Variants in RSRC2 observed in about 807,000 individuals in gnomAD.
RSRC2 encodes the protein arginine and serine rich coiled-coil 2, also known as arginine/serine-rich coiled-coil protein 2.
Under a neutral mutation model 61.3 loss-of-function variants are expected in RSRC2, and 5 were observed. That is an observed-to-expected ratio of 0.08 (90% CI 0.04 to 0.17). RSRC2 has a LOEUF of 0.17. RSRC2 is among the 10% of genes least tolerant of loss of function. The pLI is 1.00. For missense variants in RSRC2, 381 were observed against 518.8 expected (o/e 0.73, Z 2.58); for synonymous variants, 202 against 166.5 (o/e 1.21, Z -1.64).
Position 122,518,962 on chromosome 12 carries a change from T to C in RSRC2, c.275A>G (p.Glu92Gly), listed in dbSNP as rs1171694883. The C allele has an allele frequency of 1.2e-6, 2 of 1,613,668 alleles. No homozygotes were observed. Among genetic ancestry groups the C allele is most frequent in the Admixed American group, 1.7e-5 (1 of 60,000 alleles). ...KHKSEEHNDKEHSSDKGRERL... is the reference protein window; with the variant it reads ...KHKSEEHNDKGHSSDKGRERL... ...CTCTCTTCCTTTATCAGAAGAATGT[T>C]CTTTGTCATTATGTTCCTCAGACTT... The change falls in exon 4 of 10, where the codon GAA becomes GGA. Residue 92 changes from glutamate (E) to glycine (G), a missense_variant. Around this residue, in one of 4 missense-constraint regions of RSRC2, gnomAD observed 266 missense variants for 270.5 expected, o/e 0.98. Coordinates refer to ENST00000331738, the MANE Select transcript of RSRC2 (RefSeq NM_023012.6).
Position 122,513,061 on chromosome 12 carries a change from G to T in RSRC2, c.726-1873C>A, listed in dbSNP as rs539470681. ...AAAACAAAAATTAGCTGGGTGTGGT[G>T]ATGCGCATCAGTAATCCCAGCTTCT... On this transcript the variant is annotated intron_variant, in intron 6 of 9. Coordinates refer to ENST00000331738, the MANE Select transcript of RSRC2 (RefSeq NM_023012.6). Among the ~76,000 whole-genome samples, 3 of 152,032 alleles carry T rather than the reference G, an allele frequency of 2.0e-5. No homozygotes were observed. The South Asian group carries it at 6.2e-4, about 32-fold the overall frequency.
In RSRC2 at chr12:122,526,915, C is replaced by T. The variant is rs1176607593; in HGVS notation, c.-62G>A. On this transcript the variant is annotated 5_prime_UTR_variant, in exon 1 of 10. Coordinates refer to ENST00000331738, the MANE Select transcript of RSRC2 (RefSeq NM_023012.6). ...TTGTCGCTTTCAACAGTACCGGCCG[C>T]TCCGAAGCTTCGCCTCAGACTAAAT... 9 of 1,602,766 alleles carry T rather than the reference C, an allele frequency of 5.6e-6. No homozygotes were observed. The highest frequency in any genetic ancestry group is 1.3e-5 in the African/African-American group (1 of 74,626).
Position 122,515,164 on chromosome 12 carries a change from A to G in RSRC2, c.666T>C (p.Ser222=). ...RFSRSLSRTP[S]PPPFRGRNTA... ...TGTTTCTGCCTCTGAAGGGAGGTGG[A>G]CTTGGAGTCCGGCTTAAACTTCTGC... The change falls in exon 6 of 10, where the codon AGT becomes AGC. Residue 222 remains serine (S), a synonymous_variant. Coordinates refer to ENST00000331738, the MANE Select transcript of RSRC2 (RefSeq NM_023012.6). 1 of 1,614,114 alleles carries G rather than the reference A, an allele frequency of 6.2e-7. No individual in the cohort carries two copies. The highest frequency in any genetic ancestry group is 8.5e-7 in the Non-Finnish European group (1 of 1,179,962).
chr12:122,525,438 G>A (rs1366995558), intron 1 of RSRC2, among the ~76,000 whole-genome samples: 3 of 152,152 alleles, frequency 2.0e-5, no homozygotes, highest in Non-Finnish European at 4.4e-5. Context: ...GTATACTGAG[G>A]CCCAAAACAC....
At chr12:122,515,068 G>A (rs1383605127) in intron 6 of RSRC2, 37 bp downstream of exon 6, 4 of 1,598,804 alleles carry the variant, frequency 2.5e-6, no homozygotes, top group East Asian at 2.2e-5. Flanking sequence ...TTTATTTAAA[G>A]GCGAACTGGA....
intron 6 of RSRC2, among the ~76,000 whole-genome samples, chr12:122,513,244 TAAAA>T (rs2093766625): frequency 2.1e-5 from 1 of 47,104 alleles, no homozygotes; most frequent in African/African-American, 4.2e-5. Context: ...AATAAATAAA[TAAAA>T]TAAAATAAAA....
intron 1 of RSRC2, 72 bp downstream of exon 1, chr12:122,526,776 G>A (rs1367247243): frequency 1.3e-5 from 20 of 1,560,254 alleles, no homozygotes; most frequent in Non-Finnish European, 1.8e-5. Flanking sequence ...ACAAGGTTCT[G>A]GGAGCCGTTC....
chr12:122,507,035 T>C (rs1346026439), intron 8 of RSRC2, 112 bp from the exon 9 acceptor site: 2 of 686,758 alleles, frequency 2.9e-6, no homozygotes, highest in Middle Eastern at 3.9e-4. Context: ...TAGCATTCAA[T>C]CAATGTAAGT....
intron 1 of RSRC2, 130 bp from the exon 2 acceptor site, chr12:122,522,429 T>C: frequency 1.2e-6 from 1 of 861,088 alleles, no homozygotes; most frequent in South Asian, 2.0e-5. Flanking sequence ...GCTTTCCAAG[T>C]AACTAAATGT....
At chr12:122,515,532 C>T (rs1369762975) in intron 5 of RSRC2, among the ~76,000 whole-genome samples, 1 of 152,128 alleles carries the variant, frequency 6.6e-6, no homozygotes, top group Non-Finnish European at 1.5e-5. Flanking sequence ...TGGCTGTTTC[C>T]AATCTTTTGC....
chr12:122,517,180 C>T lies in RSRC2; in HGVS notation c.602+47G>A, dbSNP rs556321363. The T allele has an allele frequency of 6.2e-6, 10 of 1,610,246 alleles. No homozygotes were observed. In the South Asian group the frequency reaches 1.1e-4, roughly 18 times the overall value. Reference sequence around the variant, plus strand: ...TCTCTTACTGAGGAAGATAAACAGACTCTCTGAGGGTCCTATTAAATTTTA... The same window carrying T: ...TCTCTTACTGAGGAAGATAAACAGATTCTCTGAGGGTCCTATTAAATTTTA... On this transcript the variant is annotated intron_variant, in intron 5 of 9. Coordinates refer to ENST00000331738, the MANE Select transcript of RSRC2 (RefSeq NM_023012.6).
chr12:122,517,566 G>A (rs1366636424), intron 4 of RSRC2, 136 bp from the exon 5 acceptor site: 27 of 1,064,006 alleles, frequency 2.5e-5, no homozygotes, highest in Admixed American at 5.2e-5. Context: ...AGAAATAAGC[G>A]AGATTTTCAA....
Position 122,504,897 on chromosome 12 carries a change from G to A in RSRC2, c.*630C>T, listed in dbSNP as rs1350126040. 1.3e-5 allele frequency: 2 copies of A among 152,438 alleles called. No homozygotes were observed. Among genetic ancestry groups the A allele is most frequent in the African/African-American group, 4.8e-5 (2 of 41,380 alleles). The allele number at this position is 152,438 out of a possible 1,614,324, so 9.4% of individuals were successfully genotyped here. On this transcript the variant is annotated 3_prime_UTR_variant, in exon 10 of 10. Transcript: ENST00000331738. ...TTCTCCTTCCACCTTTTACATTTTT[G>A]CTCACCACGGTATTGACTGTAGTAT...
chr12:122,513,474 C>T (rs564027296), intron 6 of RSRC2, among the ~76,000 whole-genome samples: 1 of 151,942 alleles, frequency 6.6e-6, no homozygotes, highest in African/African-American at 2.4e-5. Flanking sequence ...ACCAAGTAAT[C>T]TATATATCAA....
chr12:122,523,290 C>A (rs1464372313), intron 1 of RSRC2: 2 of 152,050 alleles, frequency 1.3e-5, no homozygotes, highest in East Asian at 1.9e-4. Context: ...TTGAGGCAGG[C>A]GGATAACCTG....
At position 122,522,156 on chromosome 12, in the gene RSRC2, T is replaced by C. The variant is rs770536136; in HGVS notation, c.150A>G (p.Arg50=). Residue 50 remains arginine, a synonymous_variant, in exon 2 of 10, where the codon AGA becomes AGG. Coordinates refer to ENST00000331738, the MANE Select transcript of RSRC2 (RefSeq NM_023012.6). ...YSRSRSRSRE[R]KRKSDNEGRK... Reference sequence around the variant, plus strand: ...AAGAATTCATACCTGACTTTCGTTTTCTTTCTCTTGACCTTGATCGTGATC... The same window carrying C: ...AAGAATTCATACCTGACTTTCGTTTCCTTTCTCTTGACCTTGATCGTGATC... The C allele has an allele frequency of 6.2e-7, 1 of 1,610,764 alleles. No individual in the cohort carries two copies. The highest frequency in any genetic ancestry group is 8.5e-7 in the Non-Finnish European group (1 of 1,179,146).
intron 5 of RSRC2, among the ~76,000 whole-genome samples, chr12:122,516,439 G>A (rs559025395): frequency 2.8e-4 from 43 of 152,264 alleles, no homozygotes; most frequent in African/African-American, 1.0e-3. Context: ...CACATGCATG[G>A]AATTTGCATT....
chr12:122,523,056 C>T (rs976609992), intron 1 of RSRC2: 1 of 152,122 alleles, frequency 6.6e-6, no homozygotes, highest in Non-Finnish European at 1.5e-5. Flanking sequence ...AATTGATACA[C>T]CTGGGGAATT....
chr12:122,525,351 G>C (rs1240435966), intron 1 of RSRC2, among the ~76,000 whole-genome samples: 1 of 152,130 alleles, frequency 6.6e-6, no homozygotes, highest in Non-Finnish European at 1.5e-5. Context: ...ACTCCAGCCT[G>C]GGCGACAAGA....
Sources: gnomAD v4.1 joint callset for allele counts (sites outside exome capture counted in the v4.1 genomes callset) on GRCh38, gnomAD v4.1.1 for gene constraint, gnomAD v4.1.1 regional missense constraint, MANE v1.5 for transcripts, NCBI Gene and HGNC (gene_info 2026-07-23, HGNC 2026-07-21) for gene names.